The following KLF3 variants were observed in gnomAD, a reference collection of about 807,000 sequenced individuals.
KLF3 encodes KLF transcription factor 3.
KLF3 carries 6 observed loss-of-function variants against 32.7 expected under a neutral mutation model. That is an observed-to-expected ratio of 0.18 (90% CI 0.10 to 0.36). The LOEUF (loss-of-function observed/expected upper bound fraction) is 0.36. Ranked by LOEUF, KLF3 falls within the 10% of genes least tolerant of loss-of-function variation. The probability of loss-of-function intolerance (pLI) is 1.00; values close to 1 mark genes in which losing one functional copy is unlikely to be tolerated. For synonymous variants in KLF3, 145 were observed against 172.8 expected (o/e 0.84, Z 1.26); for missense variants, 338 against 449.7 (o/e 0.75, Z 2.25).
chr4:38,677,498 A>G (rs1046883458), intron 1 of KLF3, among the ~76,000 whole-genome samples: 9 of 152,342 alleles, frequency 5.9e-5, no homozygotes, highest in African/African-American at 2.2e-4. Flanking sequence ...TTAGAATTTG[A>G]ACGAAAAGGA....
At chr4:38,680,745 T>C (rs1453458687) in intron 2 of KLF3, 63 bp downstream of exon 2, 4 of 1,302,214 alleles carry the variant, frequency 3.1e-6, no homozygotes, top group Non-Finnish European at 3.3e-6. Flanking sequence ...CATTATTGTG[T>C]GTTGAATTAT....
chr4:38,684,682 T>C (rs184116194), intron 2 of KLF3, among the ~76,000 whole-genome samples: 101 of 151,968 alleles, frequency 6.6e-4, no homozygotes, highest in Admixed American at 2.4e-3. Context: ...GCCTCCCCAG[T>C]AGCTGGGACT....
chr4:38,683,085 TC>T (rs1722578679), intron 2 of KLF3, among the ~76,000 whole-genome samples: 1 of 152,188 alleles, frequency 6.6e-6, no homozygotes, highest in Admixed American at 6.5e-5. Flanking sequence ...ATTTCGTCTT[TC>T]CTGCCTTCAT....
At chr4:38,675,396 C>CG (rs979793852) in intron 1 of KLF3, among the ~76,000 whole-genome samples, 4 of 151,908 alleles carry the variant, frequency 2.6e-5, no homozygotes, top group Admixed American at 6.6e-5. Flanking sequence ...CCCTTCCCCC[C>CG]CCTTTTGGAT....
chr4:38,677,666 A>G (rs910682941), intron 1 of KLF3, among the ~76,000 whole-genome samples: 13 of 152,234 alleles, frequency 8.5e-5, no homozygotes, highest in African/African-American at 2.9e-4. Flanking sequence ...GAGACCTCAT[A>G]CAGGATGTAG....
chr4:38,680,804 A>T (rs1252367789), intron 2 of KLF3, 122 bp downstream of exon 2: 3 of 705,688 alleles, frequency 4.3e-6, no homozygotes, highest in Non-Finnish European at 7.6e-6. Context: ...TAATCCCAGC[A>T]CTTTGGGAGA....
chr4:38,669,460 T>G (rs552877090), intron 1 of KLF3, among the ~76,000 whole-genome samples: 18 of 152,240 alleles, frequency 1.2e-4, no homozygotes, highest in African/African-American at 4.1e-4. Flanking sequence ...AGGGACAGCA[T>G]TGTCTGAAGG....
At chr4:38,670,578 T>A (rs1419240089) in intron 1 of KLF3, among the ~76,000 whole-genome samples, 1 of 152,270 alleles carries the variant, frequency 6.6e-6, no homozygotes, top group Non-Finnish European at 1.5e-5. Context: ...TTTGCATCCC[T>A]GGTACCTTCC....
chr4:38,681,121 G>A (rs747916923), intron 2 of KLF3: 18 of 170,848 alleles, frequency 1.1e-4, no homozygotes, highest in Non-Finnish European at 1.0e-4. Context: ...TTTTCTCAAC[G>A]CCACCAGGTA....
chr4:38,681,292 GC>G (rs1722518327), intron 2 of KLF3, among the ~76,000 whole-genome samples: 2 of 152,140 alleles, frequency 1.3e-5, no homozygotes, highest in African/African-American at 4.8e-5. Flanking sequence ...AAATTCCTCA[GC>G]CCTTTTGTGT....
At chr4:38,695,955 A>C (rs1474270645) in intron 5 of KLF3, among the ~76,000 whole-genome samples, 2 of 152,144 alleles carry the variant, frequency 1.3e-5, no homozygotes. Flanking sequence ...AAGTGGCAAA[A>C]TGGAAGTGAA....
rs773394208 is a variant in KLF3, at chr4:38,694,844, A to G, written c.794A>G (p.Asp265Gly). The G allele has an allele frequency of 2.5e-6, 4 of 1,609,268 alleles. No homozygotes were observed. Among genetic ancestry groups the G allele is most frequent in the South Asian group, 1.1e-5 (1 of 90,074 alleles). The change falls in exon 5 of 6, where the codon GAT (aspartate) becomes GGT (glycine). Residue 265 changes from aspartate to glycine, a missense_variant. Around this residue, in one of 2 missense-constraint regions of KLF3, gnomAD observed 66 missense variants for 136.2 expected, o/e 0.48. Coordinates refer to ENST00000261438, the MANE Select transcript of KLF3 (RefSeq NM_016531.6). The part of the protein sequence containing the change: ...RKRRIHRCDY[D>G]GCNKVYTKSS... ...CGGAGGATACACAGATGTGATTATG[A>G]TGGATGCAACAAAGTGTACACTAAA... is the stretch of plus-strand genomic sequence containing the variant.
At chr4:38,690,676 A>G (rs1018090904) in intron 4 of KLF3, 8 of 152,166 alleles carry the variant, frequency 5.3e-5, no homozygotes, top group Non-Finnish European at 8.8e-5. Context: ...TACGAAGGCA[A>G]CGATTACCTC....
At chr4:38,694,605 GATCAGCT>G in intron 4 of KLF3, 134 bp from the exon 5 acceptor site, 1 of 724,844 alleles carries the variant, frequency 1.4e-6, no homozygotes, top group Non-Finnish European at 2.2e-6. Flanking sequence ...TTCTTGGGTT[GATCAGCT>G]AATTTCTTTT....
At chr4:38,679,177 C>T (rs966585442) in intron 1 of KLF3, among the ~76,000 whole-genome samples, 17 of 152,104 alleles carry the variant, frequency 1.1e-4, no homozygotes, top group African/African-American at 4.1e-4. Context: ...TGAGTGAAAA[C>T]AAGCTAATAT....
At chr4:38,680,843 G>A in intron 2 of KLF3, 161 bp downstream of exon 2, 3 of 535,710 alleles carry the variant, frequency 5.6e-6, no homozygotes, top group South Asian at 3.6e-5. Context: ...CTGAGGTCGG[G>A]AGTTTGAGAC....
intron 2 of KLF3, among the ~76,000 whole-genome samples, chr4:38,682,064 T>TCC (rs1462277050): frequency 6.6e-6 from 1 of 152,254 alleles, no homozygotes; most frequent in African/African-American, 2.4e-5. Flanking sequence ...ATCAAAAAAC[T>TCC]AAATTACTTT....
intron 2 of KLF3, among the ~76,000 whole-genome samples, chr4:38,685,281 C>T (rs1360104492): frequency 6.6e-6 from 1 of 152,092 alleles, no homozygotes; most frequent in East Asian, 1.9e-4. Context: ...ATGTCTTCAC[C>T]CTTTTGTGAG....
At chr4:38,686,315 A>G (rs1251047526) in intron 2 of KLF3, among the ~76,000 whole-genome samples, 1 of 151,792 alleles carries the variant, frequency 6.6e-6, no homozygotes, top group East Asian at 1.9e-4. Context: ...GCGTGGTGTC[A>G]TGTGCCTGTA....
Sources: gnomAD v4.1 joint callset for allele counts (sites outside exome capture counted in the v4.1 genomes callset) on GRCh38, gnomAD v4.1.1 for gene constraint, gnomAD v4.1.1 regional missense constraint, MANE v1.5 for transcripts, NCBI Gene and HGNC (gene_info 2026-07-23, HGNC 2026-07-21) for gene names.